Variants in ACP2 observed in about 807,000 individuals in gnomAD.
The protein encoded by ACP2 is lysosomal acid phosphatase.
A neutral mutation model predicts 54.7 loss-of-function variants in ACP2; 35 were observed. The ratio of observed to expected loss-of-function variants is 0.64; its 90% CI spans 0.49 to 0.85. The LOEUF is 0.85. ACP2 is among the 40% of genes least tolerant of loss of function. ACP2 has a pLI of 0.00. For missense variants in ACP2, 492 were observed against 565.0 expected, an observed-to-expected ratio of 0.87 and a Z score of 1.31; for synonymous variants, 210 against 224.4, an observed-to-expected ratio of 0.94 and a Z score of 0.57.
intron 9 of ACP2, 48 bp from the exon 10 acceptor site, chr11:47,242,946 A>T (rs760622622): frequency 6.2e-7 from 1 of 1,609,900 alleles, no homozygotes; most frequent in East Asian, 2.2e-5. Flanking sequence ...CCTGCCCATC[A>T]TGGGGTCCTT....
chr11:47,247,661 T>C lies in ACP2; in HGVS notation c.277A>G (p.Thr93Ala), dbSNP rs778061039. ...LRQRYHGFLN[T>A]SYHRQEVYVR... is the part of the protein sequence containing the mutation. ...CTTACCTCTTGCCGGTGATAAGAGG[T>C]GTTTAGGAAGCCGTGATAGCGCTGC... Residue 93 changes from threonine to alanine, a missense_variant, in exon 3 of 11, where the codon ACC becomes GCC. Coordinates refer to ENST00000672073, the MANE Select transcript of ACP2 (RefSeq NM_001610.4). 1.9e-6 allele frequency: 3 copies of C among 1,613,880 alleles called. No homozygotes were observed. Among genetic ancestry groups the C allele is most frequent in the Non-Finnish European group, 2.5e-6 (3 of 1,180,022 alleles).
At chr11:47,245,657 C>A (rs761985649) in intron 4 of ACP2, 25 bp downstream of exon 4, 7 of 1,613,242 alleles carry the variant, frequency 4.3e-6, no homozygotes, top group Non-Finnish European at 5.9e-6. Flanking sequence ...CCTCACCACC[C>A]CAGGGAAGGG....
Position 47,242,845 on chromosome 11 carries a change from G to A in ACP2, c.1016C>T (p.Pro339Leu), listed in dbSNP as rs144006108. Residue 339 changes from proline to leucine, a missense_variant, in exon 10 of 11, where the codon CCG becomes CTG. Pro to Leu is a moderately conservative substitution (Grantham distance 98). Coordinates refer to ENST00000672073, the MANE Select transcript of ACP2 (RefSeq NM_001610.4). ...GTGAGGGCAGCCAGGCAGGCTGAGC[G>A]GCCAGGGGGCCTTGTCACTCTCGTT... ...FRNESDKAPW[P>L]LSLPGCPHRC... is the part of the protein sequence containing the mutation. 3.2e-5 allele frequency: 52 copies of A among 1,613,912 alleles called. No individual in the cohort carries two copies. Among genetic ancestry groups the A allele is most frequent in the African/African-American group, 3.1e-4 (23 of 74,952 alleles).
At chr11:47,247,133 C>G (rs1022453024) in intron 3 of ACP2, among the ~76,000 whole-genome samples, 5 of 152,108 alleles carry the variant, frequency 3.3e-5, no homozygotes, top group African/African-American at 1.2e-4. Context: ...TATAGCACGA[C>G]CTGGCGCAGC....
chr11:47,242,581 G>T (rs1248355866), intron 10 of ACP2, 142 bp downstream of exon 10: 1 of 899,470 alleles, frequency 1.1e-6, no homozygotes, highest in African/African-American at 1.7e-5. Flanking sequence ...TGGGGAGAAG[G>T]TATAAAGCAG....
rs766697551 is a variant in ACP2, at chr11:47,245,668, C to G, written c.450+14G>C. Reference sequence around the variant, plus strand: ...GTCCCCTCACCACCCCAGGGAAGGGCTGGCCACTCTTACCCTGTCCTCAGT... The same window carrying G: ...GTCCCCTCACCACCCCAGGGAAGGGGTGGCCACTCTTACCCTGTCCTCAGT... On this transcript the variant is annotated intron_variant, in intron 4 of 10. Transcript: ENST00000672073. 5.6e-6 allele frequency: 9 copies of G among 1,612,926 alleles called. No individual in the cohort carries two copies. Among genetic ancestry groups the G allele is most frequent in the Non-Finnish European group, 5.9e-6 (7 of 1,179,166 alleles).
At chr11:47,248,175 C>A in intron 1 of ACP2, 42 bp from the exon 2 acceptor site, 1 of 1,524,214 alleles carries the variant, frequency 6.6e-7, no homozygotes, top group South Asian at 1.3e-5. Flanking sequence ...AGAAGCATCC[C>A]CTTGATAGGG....
Position 47,244,886 on chromosome 11 carries a change from A to C in ACP2, c.640-19T>G, listed in dbSNP as rs375936761. On this transcript the variant is annotated intron_variant, in intron 6 of 10. Coordinates refer to ENST00000672073, the MANE Select transcript of ACP2 (RefSeq NM_001610.4). ...GCGTTTGCTGTGTATCGCAGCAGGC[A>C]GGTTAGCGCCCCAGGCCTAGGCCAG... 1 of 1,586,894 alleles carries C rather than the reference A, an allele frequency of 6.3e-7. No individual in the cohort carries two copies. Among genetic ancestry groups the C allele is most frequent in the African/African-American group, 1.3e-5 (1 of 74,410 alleles).
Position 47,245,843 on chromosome 11 carries a change from A to C in ACP2, c.298-9T>G. On this transcript the variant is annotated splice_polypyrimidine_tract_variant and intron_variant, in intron 3 of 10. Transcript: ENST00000672073. The stretch of plus-strand genomic sequence containing the variant: ...GTGCTTCGCACATAAACCTGCAGCG[A>C]TAGCAACACAAGTCGTGTGTGTGTG... 1.3e-6 allele frequency: 2 copies of C among 1,510,202 alleles called. No individual in the cohort carries two copies. The highest frequency in any genetic ancestry group is 1.8e-6 in the Non-Finnish European group (2 of 1,134,694). 93.6% of individuals were successfully genotyped at this position (1,510,202 alleles called of 1,614,324 possible). A position where few individuals can be genotyped will look rare whatever the true frequency, so the allele number is the denominator to read the frequency against.
intron 7 of ACP2, among the ~76,000 whole-genome samples, chr11:47,244,160 G>A (rs1315484110): frequency 1.3e-5 from 2 of 151,812 alleles, no homozygotes; most frequent in African/African-American, 2.4e-5. Flanking sequence ...TGGGTATGGC[G>A]GCTCATGCCT....
chr11:47,244,986 A>G (rs1954012479), intron 6 of ACP2, 119 bp from the exon 7 acceptor site: 1 of 1,461,322 alleles, frequency 6.8e-7, no homozygotes, highest in Non-Finnish European at 9.0e-7. Flanking sequence ...GGAGAGAGGC[A>G]GAGGGGCTGG....
Position 47,243,443 on chromosome 11 carries a change from T to C in ACP2, c.773-122A>G, listed in dbSNP as rs1591013580. On this transcript the variant is annotated intron_variant, in intron 7 of 10. Transcript: ENST00000672073. ...CTCATCACCTACACGGAGAACTCTTTAGTGTCATAGGGACCATGTAAGAAC... is the reference window on the plus strand; with the variant it reads ...CTCATCACCTACACGGAGAACTCTTCAGTGTCATAGGGACCATGTAAGAAC... 17 of 728,760 alleles carry C rather than the reference T, an allele frequency of 2.3e-5. No homozygotes were observed. The East Asian group carries it at 4.6e-4, about 20-fold the overall frequency. 45.1% of individuals were successfully genotyped at this position (728,760 alleles called of 1,614,324 possible). A position where few individuals can be genotyped will look rare whatever the true frequency, so the allele number is the denominator to read the frequency against.
chr11:47,244,921 G>T, intron 6 of ACP2, 54 bp from the exon 7 acceptor site: 5 of 1,527,828 alleles, frequency 3.3e-6, no homozygotes, highest in Non-Finnish European at 4.4e-6. Flanking sequence ...GCCTCTCCAG[G>T]GGGCAGCTCT....
rs1168201320 is a variant in ACP2, at chr11:47,244,850, G to A, written c.657C>T (p.Arg219=). The A allele has an allele frequency of 6.2e-7, 1 of 1,609,264 alleles. No homozygotes were observed. The highest frequency in any genetic ancestry group is 8.5e-7 in the Non-Finnish European group (1 of 1,176,722). The change falls in exon 7 of 11, where the codon CGC becomes CGT. Residue 219 remains arginine (R), a synonymous_variant. Transcript: ENST00000672073. The part of the protein sequence containing the change: ...TLFCEQTHGL[R]LPPWASPQTM... The stretch of plus-strand genomic sequence containing the variant: ...TTTGGGGTGAGGCCCAGGGCGGCAG[G>A]CGCAGCCCGTGCGTTTGCTGTGTAT...
At chr11:47,247,818 C>A in intron 2 of ACP2, 91 bp from the exon 3 acceptor site, 2 of 1,316,052 alleles carry the variant, frequency 1.5e-6, no homozygotes, top group Non-Finnish European at 2.1e-6. Flanking sequence ...TCCAGGTTCA[C>A]GCTTTGCTGG....
Position 47,243,301 on chromosome 11 carries a change from T to C in ACP2, c.793A>G (p.Arg265Gly). ...LQGGVLLAQIRKNLTLMATTS... is the reference protein window; with the variant it reads ...LQGGVLLAQIGKNLTLMATTS... Reference sequence around the variant, plus strand: ...GTCGCCATTAGGGTCAGGTTCTTCCTTATCTGAGCCAGCAGGACTCCTGAA... The same window carrying C: ...GTCGCCATTAGGGTCAGGTTCTTCCCTATCTGAGCCAGCAGGACTCCTGAA... The change falls in exon 8 of 11, where the codon AGG (arginine) becomes GGG (glycine). Residue 265 changes from arginine to glycine, a missense_variant. Transcript: ENST00000672073. The C allele has an allele frequency of 6.2e-7, 1 of 1,614,152 alleles. No individual in the cohort carries two copies. Among genetic ancestry groups the C allele is most frequent in the Non-Finnish European group, 8.5e-7 (1 of 1,180,008 alleles).
chr11:47,248,408 GA>G, intron 1 of ACP2: 3 of 1,528,076 alleles, frequency 2.0e-6, no homozygotes, highest in Non-Finnish European at 1.8e-6. Flanking sequence ...GACAACTGGG[GA>G]AAAAAGATAA....
chr11:47,247,842 G>C (rs1954249401), intron 2 of ACP2, 115 bp from the exon 3 acceptor site: 2 of 1,076,038 alleles, frequency 1.9e-6, no homozygotes, highest in Admixed American at 5.2e-5. Flanking sequence ...CAATTAATCT[G>C]ATCCCAGAAG....
At position 47,245,306 on chromosome 11, in the gene ACP2, T is replaced by C. The variant is rs1357433871; in HGVS notation, c.638A>G (p.Glu213Gly). 6.2e-7 allele frequency: 1 copy of C among 1,614,048 alleles called. No individual in the cohort carries two copies. Among genetic ancestry groups the C allele is most frequent in the Non-Finnish European group, 8.5e-7 (1 of 1,179,994 alleles). The change falls in exon 6 of 11, where the codon GAG (glutamate) becomes GGG (glycine). Residue 213 changes from glutamate (E) to glycine (G), a missense_variant and splice_region_variant. Physicochemically the swap from Glu to Gly is moderately conservative, Grantham distance 98 (BLOSUM62 -2). Coordinates refer to ENST00000672073, the MANE Select transcript of ACP2 (RefSeq NM_001610.4). ...CAGTGGGCACCCTAGTGGGCTCACC[T>C]CACAGAAGAGTGTGTCATAGACATT... ...VWNVYDTLFC[E>G]QTHGLRLPPW...
Sources: allele counts gnomAD v4.1 joint callset (sites outside exome capture counted in the v4.1 genomes callset), GRCh38; gene constraint gnomAD v4.1.1; transcripts MANE v1.5; gene names NCBI Gene and HGNC (gene_info 2026-07-23, HGNC 2026-07-21).